Variants in SH3BP5 observed in about 807,000 individuals in gnomAD.
The protein encoded by SH3BP5 is SH3 domain-binding protein 5.
Under a neutral mutation model 43.3 loss-of-function variants are expected in SH3BP5, and 22 were observed. The ratio of observed to expected loss-of-function variants is 0.51; its 90% confidence interval spans 0.36 to 0.73. The LOEUF (loss-of-function observed/expected upper bound fraction) is 0.73. SH3BP5 is among the 30% of genes least tolerant of loss of function. The pLI is 0.00. For synonymous variants in SH3BP5, 255 were observed against 225.8 expected (o/e 1.13, Z -1.16); for missense variants, 529 against 586.9 (o/e 0.90, Z 1.02).
chr3:15,300,595 G>A (rs1316511122), intron 3 of SH3BP5, among the ~76,000 whole-genome samples: 2 of 152,108 alleles, frequency 1.3e-5, no homozygotes, highest in Admixed American at 6.5e-5. Flanking sequence ...AAGGTGAGAG[G>A]AACATTCACA....
intron 3 of SH3BP5, among the ~76,000 whole-genome samples, chr3:15,272,543 ACAGAG>A (rs1696834543): frequency 8.8e-6 from 1 of 113,270 alleles, no homozygotes; most frequent in Non-Finnish European, 1.8e-5. Flanking sequence ...ACATTACAAA[ACAGAG>A]TGCCTGTAGG....
At chr3:15,291,080 T>G (rs1559442310) in intron 3 of SH3BP5, among the ~76,000 whole-genome samples, 1 of 152,160 alleles carries the variant, frequency 6.6e-6, no homozygotes. Flanking sequence ...TAGTGAGGGT[T>G]GGGGTGGACA....
intron 7 of SH3BP5, chr3:15,258,580 T>C (rs1283098327): frequency 3.8e-6 from 2 of 531,734 alleles, no homozygotes; most frequent in South Asian, 2.5e-5. Flanking sequence ...ATGTATACTT[T>C]GACTCTCAAA....
intron 7 of SH3BP5, chr3:15,258,331 C>T (rs1212381359): frequency 6.6e-6 from 1 of 152,648 alleles, no homozygotes; most frequent in African/African-American, 2.4e-5. Flanking sequence ...TAAGAGCCAC[C>T]ATTTGCTGAG....
At chr3:15,261,169 C>G (rs2125046941) in intron 5 of SH3BP5, among the ~76,000 whole-genome samples, 1 of 152,356 alleles carries the variant, frequency 6.6e-6, no homozygotes, top group Middle Eastern at 3.4e-3. Flanking sequence ...CTCAGGAGAT[C>G]AGCCCCTGAC....
chr3:15,300,506 GC>G (rs869164204), intron 3 of SH3BP5, among the ~76,000 whole-genome samples: 6 of 10,096 alleles, frequency 5.9e-4, no homozygotes, highest in Admixed American at 5.1e-3. Flanking sequence ...GGAAGCGGGG[GC>G]GGGGGGACAA....
At chr3:15,304,026 G>T in intron 3 of SH3BP5, 77 bp downstream of exon 3, 1 of 1,225,752 alleles carries the variant, frequency 8.2e-7, no homozygotes, top group Non-Finnish European at 1.2e-6. Context: ...TTCAGCAGGT[G>T]ATACAGTCAA....
chr3:15,306,434 G>C (rs1697908357), intron 2 of SH3BP5, among the ~76,000 whole-genome samples: 1 of 152,174 alleles, frequency 6.6e-6, no homozygotes, highest in Non-Finnish European at 1.5e-5. Context: ...CTTAAGCCCA[G>C]AAGGTTGAGG....
chr3:15,339,687 G>C (rs2124846318), intron 1 of SH3BP5: 1 of 152,154 alleles, frequency 6.6e-6, no homozygotes, highest in Non-Finnish European at 1.5e-5. Context: ...TCCAGCCTGG[G>C]TGACAGAGCA....
intron 3 of SH3BP5, among the ~76,000 whole-genome samples, chr3:15,281,199 T>C (rs548549434): frequency 1.1e-4 from 17 of 152,284 alleles, no homozygotes; most frequent in African/African-American, 4.1e-4. Context: ...CTAATTTTTG[T>C]ATTTTTAGTA....
rs570090020 is a variant in SH3BP5 at position 15,325,318 on chromosome 3, T to G, written c.201+5186A>C. 3.2e-3 allele frequency among the ~76,000 whole-genome samples: 486 copies of G among 152,370 alleles called. 3 individuals are homozygous for G. The highest frequency in any genetic ancestry group is 8.5e-3 in the South Asian group (41 of 4,830). On this transcript the variant is annotated intron_variant, in intron 2 of 8. Coordinates refer to ENST00000383791, the MANE Select transcript of SH3BP5 (RefSeq NM_004844.5). ...CTGTCGCACACCTGAATGACCCATT[T>G]ATCTCTGACTCACTGCCTCCTCTTC...
In SH3BP5 at chr3:15,269,758, C is replaced by T; in HGVS notation, c.450G>A (p.Gln150=). 6.2e-7 allele frequency: 1 copy of T among 1,611,842 alleles called. No individual in the cohort carries two copies. Among genetic ancestry groups the T allele is most frequent in the Non-Finnish European group, 8.5e-7 (1 of 1,178,636 alleles). Residue 150 remains glutamine (Q), a synonymous_variant, in exon 4 of 9, where the codon CAG becomes CAA. Coordinates refer to ENST00000383791, the MANE Select transcript of SH3BP5 (RefSeq NM_004844.5). Reference sequence around the variant, plus strand: ...GCATCTCCTGCCAGGCGGAGTCGAACTGCCGCTTGTCATCCTCCAGCAGCC... The same window carrying T: ...GCATCTCCTGCCAGGCGGAGTCGAATTGCCGCTTGTCATCCTCCAGCAGCC... ...EQRLLEDDKR[Q]FDSAWQEMLN...
intron 2 of SH3BP5, 52 bp downstream of exon 2, chr3:15,330,452 G>T: frequency 1.4e-6 from 2 of 1,454,706 alleles, no homozygotes; most frequent in Non-Finnish European, 1.9e-6. Context: ...CCAGCCTTGT[G>T]CCGGTGTGAG....
chr3:15,290,064 A>G (rs1697368256), intron 3 of SH3BP5, among the ~76,000 whole-genome samples: 1 of 152,202 alleles, frequency 6.6e-6, no homozygotes, highest in South Asian at 2.1e-4. Context: ...TGGGGCTGAC[A>G]GTGAATTGAT....
At chr3:15,296,694 CTTTTTTTTTTTT>C (rs370273754) in intron 3 of SH3BP5, among the ~76,000 whole-genome samples, 1 of 124,968 alleles carries the variant, frequency 8.0e-6, no homozygotes, top group Non-Finnish European at 1.6e-5. Context: ...AGTGTTTTTC[CTTTTTTTTTTTT>C]TTTTTGAGAC....
intron 4 of SH3BP5, 149 bp downstream of exon 4, chr3:15,269,564 G>T: frequency 1.2e-6 from 1 of 807,732 alleles, no homozygotes; most frequent in Non-Finnish European, 1.9e-6. Flanking sequence ...ACCAAGCGCA[G>T]CCAAGAGATC....
chr3:15,341,372 C>A (rs920788279), upstream of SH3BP5: 11 of 152,538 alleles, frequency 7.2e-5, no homozygotes, highest in African/African-American at 2.4e-4. Context: ...CTTTCTCCAA[C>A]TCCCATCTGG....
At chr3:15,326,020 A>G (rs920059304) in intron 2 of SH3BP5, among the ~76,000 whole-genome samples, 2 of 152,184 alleles carry the variant, frequency 1.3e-5, no homozygotes, top group African/African-American at 4.8e-5. Flanking sequence ...CCCTGTCTCA[A>G]TAAATAAATA....
chr3:15,321,903 C>T (rs1225360958), intron 2 of SH3BP5, among the ~76,000 whole-genome samples: 16 of 152,062 alleles, frequency 1.1e-4, no homozygotes, highest in Non-Finnish European at 2.9e-5. Flanking sequence ...CTTTGGCCCA[C>T]ACAAGAATAA....
Sources: allele counts gnomAD v4.1 joint callset (sites outside exome capture counted in the v4.1 genomes callset), GRCh38; gene constraint gnomAD v4.1.1; transcripts MANE v1.5; gene names NCBI Gene and HGNC (gene_info 2026-07-23, HGNC 2026-07-21).